Variants in PLEKHH2 observed in about 807,000 individuals in gnomAD.
PLEKHH2 encodes pleckstrin homology, MyTH4 and FERM domain containing H2.
In PLEKHH2, 129 loss-of-function variants were observed where a neutral mutation model predicts 187.9. That is an observed-to-expected ratio of 0.69 (90% CI 0.59 to 0.79). PLEKHH2 has a LOEUF of 0.79. Ranked by LOEUF, PLEKHH2 falls within the 30% of genes least tolerant of loss-of-function variation. The probability of loss-of-function intolerance (pLI) is 0.00; values close to 1 mark genes in which losing one functional copy is unlikely to be tolerated. For missense variants in PLEKHH2, 2,076 were observed against 1,751.2 expected, an observed-to-expected ratio of 1.19 and a Z score of -3.31; for synonymous variants, 686 against 605.6, an observed-to-expected ratio of 1.13 and a Z score of -1.95.
chr2:43,721,445 G>A (rs1670475052), intron 16 of PLEKHH2, among the ~76,000 whole-genome samples: 1 of 152,070 alleles, frequency 6.6e-6, no homozygotes, highest in East Asian at 1.9e-4. Context: ...TAAACTTCTT[G>A]GTCTAGTGAC....
chr2:43,729,919 G>T (rs1288232405), intron 18 of PLEKHH2, among the ~76,000 whole-genome samples, 174 bp downstream of exon 18: 1 of 152,020 alleles, frequency 6.6e-6, no homozygotes, highest in Non-Finnish European at 1.5e-5. Flanking sequence ...TGGCTGCAGG[G>T]ACACCATCAT....
intron 23 of PLEKHH2, 73 bp downstream of exon 23, chr2:43,744,062 C>G: frequency 6.5e-7 from 1 of 1,530,524 alleles, no homozygotes; most frequent in Non-Finnish European, 8.8e-7. Context: ...GAAGAGTAAA[C>G]TTTGCAAGAA....
At chr2:43,686,877 G>A (rs1398091411) in intron 3 of PLEKHH2, among the ~76,000 whole-genome samples, 1 of 152,036 alleles carries the variant, frequency 6.6e-6, no homozygotes, top group African/African-American at 2.4e-5. Flanking sequence ...CCTTTCTTAT[G>A]AGATCCCATC....
At chr2:43,652,133 C>G (rs1052846368) in intron 2 of PLEKHH2, among the ~76,000 whole-genome samples, 1 of 152,138 alleles carries the variant, frequency 6.6e-6, no homozygotes, top group African/African-American at 2.4e-5. Context: ...CTAGTGCACT[C>G]CAATTCACTT....
chr2:43,716,461 T>C (rs762060009), intron 15 of PLEKHH2, among the ~76,000 whole-genome samples: 1 of 152,170 alleles, frequency 6.6e-6, no homozygotes, highest in East Asian at 1.9e-4. Context: ...TTCAGGAAAG[T>C]AGGATGTACC....
chr2:43,679,012 C>A, intron 3 of PLEKHH2, 87 bp downstream of exon 3: 1 of 815,412 alleles, frequency 1.2e-6, no homozygotes, highest in Non-Finnish European at 2.1e-6. Context: ...CAATTATCAG[C>A]CCACCTCTAC....
At chr2:43,729,605 T>C (rs1267782447) in intron 17 of PLEKHH2, 32 bp from the exon 18 acceptor site, 1 of 1,423,742 alleles carries the variant, frequency 7.0e-7, no homozygotes. Context: ...AAACTGTGTC[T>C]TAACATTTAA....
chr2:43,642,641 G>T lies in PLEKHH2; in HGVS notation c.-3-2030G>T, dbSNP rs925763763. ...AGGATGAGGAAGTTCCTGTCTATTTGTAGTTTCTTGAATATTTTTATCATG... is the reference window on the plus strand; with the variant it reads ...AGGATGAGGAAGTTCCTGTCTATTTTTAGTTTCTTGAATATTTTTATCATG... On this transcript the variant is annotated intron_variant, in intron 1 of 29. Coordinates refer to ENST00000282406, the MANE Select transcript of PLEKHH2 (RefSeq NM_172069.4). Among the ~76,000 whole-genome samples the T allele has an allele frequency of 3.9e-5, 6 of 152,136 alleles. No individual in the cohort carries two copies. In the East Asian group the frequency reaches 1.2e-3, roughly 29 times the overall value.
intron 6 of PLEKHH2, among the ~76,000 whole-genome samples, chr2:43,696,096 C>A (rs762202011): frequency 3.9e-5 from 6 of 152,094 alleles, no homozygotes; most frequent in Non-Finnish European, 7.4e-5. Context: ...AATTGATAAT[C>A]CGCTGATAAA....
At chr2:43,758,726 G>A (rs1326961986) in intron 26 of PLEKHH2, among the ~76,000 whole-genome samples, 174 bp from the exon 27 acceptor site, 7 of 152,174 alleles carry the variant, frequency 4.6e-5, no homozygotes, top group Non-Finnish European at 8.8e-5. Context: ...ATTCCAGAAA[G>A]GACAAGTGAT....
intron 23 of PLEKHH2, 135 bp downstream of exon 23, chr2:43,744,124 G>C (rs1357533630): frequency 7.9e-6 from 10 of 1,263,726 alleles, no homozygotes; most frequent in African/African-American, 1.6e-5. Context: ...TCCACGATAA[G>C]AAAAAAAAAA....
rs969068093 is a variant in PLEKHH2 at position 43,767,796 on chromosome 2, A to T, written c.*2198A>T. ...GATAGAGCAGAGATAAAATATTTTG[A>T]TGGAAGGAAATCAATTTTCTGTAAC... On this transcript the variant is annotated 3_prime_UTR_variant, in exon 30 of 30. Coordinates refer to ENST00000282406, the MANE Select transcript of PLEKHH2 (RefSeq NM_172069.4). 1 of 152,794 alleles carries T rather than the reference A, an allele frequency of 6.5e-6. No individual in the cohort carries two copies. The highest frequency in any genetic ancestry group is 2.4e-5 in the African/African-American group (1 of 41,454). The allele number at this position is 152,794 out of a possible 1,614,324, so 9.5% of individuals were successfully genotyped here.
At chr2:43,690,303 A>C (rs1473758188) in intron 3 of PLEKHH2, among the ~76,000 whole-genome samples, 1 of 152,198 alleles carries the variant, frequency 6.6e-6, no homozygotes, top group Non-Finnish European at 1.5e-5. Context: ...AGGTAACTTA[A>C]ATTATCATTT....
intron 25 of PLEKHH2, among the ~76,000 whole-genome samples, chr2:43,756,101 G>C (rs1243510115): frequency 1.3e-5 from 2 of 152,114 alleles, no homozygotes; most frequent in Non-Finnish European, 2.9e-5. Context: ...CTCCAATAAA[G>C]TATAAATTGT....
At chr2:43,677,844 T>C (rs1667910464) in intron 2 of PLEKHH2, among the ~76,000 whole-genome samples, 1 of 139,268 alleles carries the variant, frequency 7.2e-6, no homozygotes, top group Non-Finnish European at 1.6e-5. Context: ...CCCCCCCACC[T>C]CCCTCCCGGA....
At chr2:43,704,141 C>A in intron 9 of PLEKHH2, 85 bp downstream of exon 9, 4 of 912,256 alleles carry the variant, frequency 4.4e-6, no homozygotes, top group South Asian at 1.7e-5. Context: ...ATGGTACAGT[C>A]ACAAAAAGAC....
At chr2:43,637,793 G>A (rs1024247300) in intron 1 of PLEKHH2, among the ~76,000 whole-genome samples, 1 of 152,214 alleles carries the variant, frequency 6.6e-6, no homozygotes, top group Non-Finnish European at 1.5e-5. Flanking sequence ...TAGGCTTCGG[G>A]AGATCCACCA....
intron 25 of PLEKHH2, among the ~76,000 whole-genome samples, chr2:43,754,129 T>A (rs1165642053): frequency 6.6e-6 from 1 of 151,206 alleles, no homozygotes; most frequent in Non-Finnish European, 1.5e-5. Flanking sequence ...TTCTTTTATT[T>A]GCCTATTGTA....
chr2:43,727,410 C>A (rs867426854), intron 17 of PLEKHH2, among the ~76,000 whole-genome samples: 82 of 114,774 alleles, frequency 7.1e-4, no homozygotes, highest in South Asian at 3.3e-3. Context: ...GACTCCGTCT[C>A]AAAAAAAAAA....
Sources: gnomAD v4.1 joint callset for allele counts (sites outside exome capture counted in the v4.1 genomes callset) on GRCh38, gnomAD v4.1.1 for gene constraint, MANE v1.5 for transcripts, NCBI Gene and HGNC (gene_info 2026-07-23, HGNC 2026-07-21) for gene names.